The following TSPAN33 variants were observed in gnomAD, a reference collection of about 807,000 sequenced individuals.
The protein encoded by TSPAN33 is tetraspanin 33.
In TSPAN33, 27 loss-of-function variants were observed where a neutral mutation model predicts 34.8. The ratio of observed to expected loss-of-function variants is 0.78; its 90% CI spans 0.57 to 1.07. The LOEUF is 1.07. Among genes scored for constraint, TSPAN33 ranks in the 50% least tolerant of loss-of-function variants. TSPAN33 has a pLI of 0.00. For missense variants in TSPAN33, 272 were observed against 324.9 expected (o/e 0.84, Z 1.25); for synonymous variants, 119 against 124.2 (o/e 0.96, Z 0.28).
At chr7:129,158,141 G>A (rs1404520921) in intron 1 of TSPAN33, among the ~76,000 whole-genome samples, 1 of 152,148 alleles carries the variant, frequency 6.6e-6, no homozygotes, top group African/African-American at 2.4e-5. Context: ...CTCTGACTCT[G>A]GCCCTCTTGC....
rs781657875 is a variant in TSPAN33, at chr7:129,161,841, C to T, written c.160+105C>T. ...ACATAAGCTATGGGGCTAAAGGAGG[C>T]AGCCTCCCTGGAGCCAAATCTTCAT... is the stretch of plus-strand genomic sequence containing the variant. On this transcript the variant is annotated intron_variant, in intron 2 of 7. Coordinates refer to ENST00000486685, the MANE Select transcript of TSPAN33 (RefSeq NM_178562.5). The T allele has an allele frequency of 6.1e-4, 885 of 1,443,920 alleles. 1 individual carries two copies. The highest frequency in any genetic ancestry group is 4.1e-3 in the Middle Eastern group (17 of 4,172). 89.4% of individuals were successfully genotyped at this position (1,443,920 alleles called of 1,614,324 possible). A position where few individuals can be genotyped will look rare whatever the true frequency, so the allele number is the denominator to read the frequency against.
chr7:129,163,227 T>C (rs1484965342), intron 4 of TSPAN33, among the ~76,000 whole-genome samples: 2 of 151,662 alleles, frequency 1.3e-5, no homozygotes, highest in Non-Finnish European at 2.9e-5. Flanking sequence ...CCACTGACAA[T>C]ATGAAGAGCC....
chr7:129,161,586 C>T, intron 1 of TSPAN33, 93 bp from the exon 2 acceptor site: 1 of 1,228,768 alleles, frequency 8.1e-7, no homozygotes, highest in Non-Finnish European at 1.2e-6. Flanking sequence ...CCCAGGAAAG[C>T]AGTCCTTCTC....
chr7:129,150,735 A>G (rs1156707691), intron 1 of TSPAN33, among the ~76,000 whole-genome samples: 1 of 152,134 alleles, frequency 6.6e-6, no homozygotes, highest in Non-Finnish European at 1.5e-5. Context: ...AAGTACTGCC[A>G]CTGCTGTCCC....
At chr7:129,162,960 A>G in intron 4 of TSPAN33, 53 bp downstream of exon 4, 1 of 1,549,176 alleles carries the variant, frequency 6.5e-7, no homozygotes, top group Non-Finnish European at 8.9e-7. Flanking sequence ...GGGAGGAAGG[A>G]AGGTTCCTGC....
chr7:129,167,952 C>G lies in TSPAN33; in HGVS notation c.*78C>G. 6.5e-7 allele frequency: 1 copy of G among 1,545,834 alleles called. No individual in the cohort carries two copies. Among genetic ancestry groups the G allele is most frequent in the Non-Finnish European group, 8.7e-7 (1 of 1,148,430 alleles). ...CAGCAGTGGGTGCTGAAAGCAGCACCAAATGGAGATTTGGATTCCAGCCCC... is the reference window on the plus strand; with the variant it reads ...CAGCAGTGGGTGCTGAAAGCAGCACGAAATGGAGATTTGGATTCCAGCCCC... On this transcript the variant is annotated 3_prime_UTR_variant, in exon 8 of 8. Coordinates refer to ENST00000486685, the MANE Select transcript of TSPAN33 (RefSeq NM_178562.5). This position sits in a 1 kb window ranked among gnomAD's most constrained non-coding sequence, Gnocchi z 4.6.
chr7:129,152,436 G>T (rs1185898301), intron 1 of TSPAN33, among the ~76,000 whole-genome samples: 1 of 152,170 alleles, frequency 6.6e-6, no homozygotes, highest in African/African-American at 2.4e-5. Flanking sequence ...GCTCATGCCT[G>T]TAATCTTTTG....
intron 1 of TSPAN33, among the ~76,000 whole-genome samples, chr7:129,146,873 C>T (rs1810527250): frequency 6.6e-6 from 1 of 152,148 alleles, no homozygotes; most frequent in African/African-American, 2.4e-5. Flanking sequence ...GCCATTGGTA[C>T]CTCACCCTTG....
chr7:129,152,484 C>T (rs918039759), intron 1 of TSPAN33, among the ~76,000 whole-genome samples: 13 of 152,140 alleles, frequency 8.5e-5, no homozygotes, highest in African/African-American at 9.6e-5. Context: ...GTCAGGAGTT[C>T]GAGACCAGCC....
At chr7:129,153,945 GA>G (rs1207461727) in intron 1 of TSPAN33, among the ~76,000 whole-genome samples, 3 of 150,424 alleles carry the variant, frequency 2.0e-5, no homozygotes, top group Non-Finnish European at 3.0e-5. Context: ...CTGCCTCAAA[GA>G]AAAAAAAAGA....
chr7:129,168,915 T>A lies in TSPAN33; in HGVS notation c.*1041T>A, dbSNP rs1205924850. ...CCCTGCAGAGGACGGCACTGGAGAC[T>A]CTCCTAAACGCCACACACCTCCCCC... On this transcript the variant is annotated 3_prime_UTR_variant, in exon 8 of 8. Transcript: ENST00000486685. 1 of 151,912 alleles carries A rather than the reference T, an allele frequency of 6.6e-6. No homozygotes were observed. The highest frequency in any genetic ancestry group is 6.6e-5 in the Admixed American group (1 of 15,248). The allele number at this position is 151,912 out of a possible 1,614,324, so 9.4% of individuals were successfully genotyped here.
intron 1 of TSPAN33, among the ~76,000 whole-genome samples, chr7:129,146,735 G>T (rs1810525074): frequency 6.6e-6 from 1 of 152,224 alleles, no homozygotes; most frequent in Non-Finnish European, 1.5e-5. Context: ...GCAAGTATCA[G>T]TGAAGTCTCT....
intron 1 of TSPAN33, among the ~76,000 whole-genome samples, chr7:129,161,028 T>C (rs1194494763): frequency 1.3e-5 from 2 of 152,260 alleles, no homozygotes; most frequent in East Asian, 1.9e-4. Context: ...ATTTGCCCTA[T>C]GTGTACCCAA....
rs74993349 is a variant in TSPAN33, at chr7:129,165,940, CTT to C, written c.460-829_460-828del. On this transcript the variant is annotated intron_variant, in intron 5 of 7. Coordinates refer to ENST00000486685, the MANE Select transcript of TSPAN33 (RefSeq NM_178562.5). The surrounding 1 kb of genome is among the most constrained non-coding windows in gnomAD (Gnocchi z 4.5). ...TAAATAAGTGAAAAATAAAAGTTAA[CTT>C]TTTTTTTTCCCTGAGACGGAGTCTT... is the stretch of plus-strand genomic sequence containing the variant. 5.4e-4 allele frequency among the ~76,000 whole-genome samples: 81 copies of C among 149,962 alleles called. No homozygotes were observed. Among genetic ancestry groups the C allele is most frequent in the Non-Finnish European group, 5.6e-4 (38 of 67,516 alleles).
intron 1 of TSPAN33, among the ~76,000 whole-genome samples, chr7:129,159,553 A>G (rs898402555): frequency 6.6e-6 from 1 of 152,236 alleles, no homozygotes; most frequent in African/African-American, 2.4e-5. Context: ...AGCAACAGAA[A>G]TCAAGAGCAG....
intron 2 of TSPAN33, among the ~76,000 whole-genome samples, chr7:129,162,139 C>T (rs1279318550): frequency 3.9e-5 from 6 of 152,228 alleles, no homozygotes; most frequent in Non-Finnish European, 8.8e-5. Context: ...TTTTGCGGAG[C>T]GAAAGCAGCC....
In TSPAN33 at chr7:129,148,298, G is replaced by A. The variant is rs917481442; in HGVS notation, c.102+3216G>A. Among the ~76,000 whole-genome samples, 1 of 152,150 alleles carries A rather than the reference G, an allele frequency of 6.6e-6. No homozygotes were observed. On this transcript the variant is annotated intron_variant, in intron 1 of 7. Transcript: ENST00000486685. This position sits in a 1 kb window ranked among gnomAD's most constrained non-coding sequence, Gnocchi z 4.2. ...GCTTCCCTAGCAGCCATGCCTCAGG[G>A]CTCCCATGGCACCTTCTGTATTCTT...
chr7:129,162,035 T>C (rs968818360), intron 2 of TSPAN33, among the ~76,000 whole-genome samples: 1 of 152,222 alleles, frequency 6.6e-6, no homozygotes, highest in African/African-American at 2.4e-5. Flanking sequence ...CCTAGCTCTG[T>C]CCTGGAGAAA....
At chr7:129,164,746 A>G (rs1193396006) in intron 5 of TSPAN33, 177 bp downstream of exon 5, 1 of 588,222 alleles carries the variant, frequency 1.7e-6, no homozygotes, top group Non-Finnish European at 3.1e-6. Flanking sequence ...TTAAAGACAC[A>G]GAACAGTATA....
Sources: gnomAD v4.1 joint callset for allele counts (sites outside exome capture counted in the v4.1 genomes callset) on GRCh38, gnomAD v4.1.1 for gene constraint, Gnocchi (gnomAD v3.1) non-coding constraint, MANE v1.5 for transcripts, NCBI Gene and HGNC (gene_info 2026-07-23, HGNC 2026-07-21) for gene names.